Variants in KCTD3 observed in about 807,000 individuals in gnomAD.
KCTD3 encodes BTB/POZ domain-containing protein KCTD3.
KCTD3 carries 41 observed loss-of-function variants against 85.8 expected under a neutral mutation model. The ratio of observed to expected loss-of-function variants is 0.48; its 90% confidence interval spans 0.37 to 0.62. KCTD3 has a LOEUF of 0.62. KCTD3 is among the 20% of genes least tolerant of loss of function. The probability of loss-of-function intolerance (pLI) is 0.00; values close to 1 mark genes in which losing one functional copy is unlikely to be tolerated. For missense variants in KCTD3, 724 were observed against 989.9 expected (o/e 0.73, Z 3.60); for synonymous variants, 338 against 345.4 (o/e 0.98, Z 0.24).
chr1:215,573,722 T>G, intron 1 of KCTD3, 64 bp from the exon 2 acceptor site: 1 of 947,558 alleles, frequency 1.1e-6, no homozygotes, highest in South Asian at 1.5e-5. Flanking sequence ...TTAAAACAAG[T>G]TAACTAATAC....
rs368372353 is a variant in KCTD3, at chr1:215,604,319, A to T, written c.1309+17A>T. 4.0e-5 allele frequency: 64 copies of T among 1,592,682 alleles called. 1 individual carries two copies. The African/African-American group carries it at 6.7e-4, about 17-fold the overall frequency. On this transcript the variant is annotated intron_variant, in intron 13 of 17. Transcript: ENST00000259154. ...TTGTATCAGGTAAAATGATTTCATT[A>T]TACTGGTAAGGAACTTGGCTCTGTG...
chr1:215,620,009 A>G, intron 17 of KCTD3, 48 bp from the exon 18 acceptor site: 1 of 1,386,038 alleles, frequency 7.2e-7, no homozygotes, highest in East Asian at 2.3e-5. Context: ...GTTCCTGAGA[A>G]ATCACAGAGT....
chr1:215,604,199 A>G lies in KCTD3; in HGVS notation c.1206A>G (p.Gln402=). Residue 402 remains glutamine, a synonymous_variant, in exon 13 of 18, where the codon CAA becomes CAG. Coordinates refer to ENST00000259154, the MANE Select transcript of KCTD3 (RefSeq NM_016121.5). The part of the protein sequence containing the change: ...TSSGAVRVIV[Q]HPETVGSGPQ... ...CTGGAGCAGTACGAGTGATTGTACA[A>G]CACCCAGAGACAGTTGGGTCAGGTC... is the stretch of plus-strand genomic sequence containing the variant. 3 of 1,613,540 alleles carry G rather than the reference A, an allele frequency of 1.9e-6. No individual in the cohort carries two copies. Among genetic ancestry groups the G allele is most frequent in the Non-Finnish European group, 2.5e-6 (3 of 1,179,518 alleles).
chr1:215,616,275 A>G (rs559655268), intron 15 of KCTD3, among the ~76,000 whole-genome samples: 1 of 152,278 alleles, frequency 6.6e-6, no homozygotes, highest in African/African-American at 2.4e-5. Context: ...TTTTAAATCA[A>G]TTTACAGATA....
Position 215,581,115 on chromosome 1 carries a change from G to A in KCTD3, c.626+1116G>A, listed in dbSNP as rs183194296. 68 of 317,866 alleles carry A rather than the reference G, an allele frequency of 2.1e-4. No homozygotes were observed. In the Admixed American group the frequency reaches 2.5e-3, roughly 12 times the overall value. The allele number at this position is 317,866 out of a possible 1,614,324, so 19.7% of individuals were successfully genotyped here. A position where few individuals can be genotyped will look rare whatever the true frequency, so the allele number is the denominator to read the frequency against. On this transcript the variant is annotated intron_variant, in intron 8 of 17. Coordinates refer to ENST00000259154, the MANE Select transcript of KCTD3 (RefSeq NM_016121.5). ...ACAAAAATTAGCCAGGTGTGGTGAT[G>A]CATGCCTGTAATCCCAGCTACTCGG...
At chr1:215,612,182 G>A (rs1437227640) in intron 15 of KCTD3, among the ~76,000 whole-genome samples, 3 of 151,974 alleles carry the variant, frequency 2.0e-5, no homozygotes, top group Non-Finnish European at 4.4e-5. Flanking sequence ...TTTTTTCATG[G>A]CCAAACATAA....
chr1:215,580,480 A>G (rs1659775237), intron 8 of KCTD3, among the ~76,000 whole-genome samples: 1 of 152,208 alleles, frequency 6.6e-6, no homozygotes, highest in Non-Finnish European at 1.5e-5. Context: ...AATATCTAAT[A>G]TGTGAAACTT....
intron 15 of KCTD3, among the ~76,000 whole-genome samples, chr1:215,612,926 CGAT>C (rs1655282851): frequency 6.6e-6 from 1 of 151,884 alleles, no homozygotes; most frequent in African/African-American, 2.4e-5. Flanking sequence ...ATTTTTTTGA[CGAT>C]GAGAACACAT....
At chr1:215,610,345 C>CA (rs1655180816) in intron 14 of KCTD3, among the ~76,000 whole-genome samples, 1 of 151,768 alleles carries the variant, frequency 6.6e-6, no homozygotes, top group Admixed American at 6.6e-5. Flanking sequence ...TTTATTCCTC[C>CA]AACTTTCTCC....
At chr1:215,584,213 A>G (rs1251343931) in intron 8 of KCTD3, among the ~76,000 whole-genome samples, 1 of 152,144 alleles carries the variant, frequency 6.6e-6, no homozygotes, top group African/African-American at 2.4e-5. Context: ...TGCAGAAAGA[A>G]CTCAAAAACT....
intron 10 of KCTD3, among the ~76,000 whole-genome samples, chr1:215,600,395 A>G: frequency 6.6e-6 from 1 of 151,896 alleles, no homozygotes; most frequent in Non-Finnish European, 1.5e-5. Flanking sequence ...GCCCTACCTA[A>G]CTCATAGTTG....
intron 1 of KCTD3, 63 bp from the exon 2 acceptor site, chr1:215,573,723 T>G: frequency 1.1e-6 from 1 of 951,626 alleles, no homozygotes; most frequent in Non-Finnish European, 1.7e-6. Flanking sequence ...TAAAACAAGT[T>G]AACTAATACT....
chr1:215,587,007 C>A (rs1388683294), intron 9 of KCTD3, among the ~76,000 whole-genome samples: 9 of 152,192 alleles, frequency 5.9e-5, no homozygotes, highest in Admixed American at 5.9e-4. Flanking sequence ...TGGGGTAAGT[C>A]ACTTTCTTGC....
Position 215,611,811 on chromosome 1 carries a change from G to T in KCTD3, c.1466-14G>T. 1.3e-6 allele frequency: 2 copies of T among 1,545,244 alleles called. No individual in the cohort carries two copies. The highest frequency in any genetic ancestry group is 1.3e-5 in the South Asian group (1 of 79,670). On this transcript the variant is annotated splice_polypyrimidine_tract_variant and intron_variant, in intron 14 of 17. Coordinates refer to ENST00000259154, the MANE Select transcript of KCTD3 (RefSeq NM_016121.5). ...TTTTAATTAATTTTTTGACATTTTT[G>T]TTTTCTGATCAAGGACCTTTTGGAG...
chr1:215,575,844 ATTAAAG>A (rs1659553680), intron 3 of KCTD3, 51 bp from the exon 4 acceptor site: 15 of 965,506 alleles, frequency 1.6e-5, no homozygotes, highest in Non-Finnish European at 2.2e-5. Flanking sequence ...TGTTACAGAT[ATTAAAG>A]TTAAAAGATT....
chr1:215,597,241 AAAAG>A (rs1326246632), intron 10 of KCTD3, among the ~76,000 whole-genome samples: 97 of 152,130 alleles, frequency 6.4e-4, no homozygotes, highest in African/African-American at 1.8e-3. Flanking sequence ...AAAAAAAAAA[AAAAG>A]AAATGTTTCA....
rs1660010852 is a variant in KCTD3 at position 215,586,404 on chromosome 1, GT to G, written c.627-89del. ...CTGTTTAGTTTTTTTTTTGTTTTTT[GT>G]TGTTGTTTTTTGTTTTTGGTGCATT... On this transcript the variant is annotated intron_variant, in intron 8 of 17. Coordinates refer to ENST00000259154, the MANE Select transcript of KCTD3 (RefSeq NM_016121.5). 3.8e-6 allele frequency: 4 copies of G among 1,054,002 alleles called. No homozygotes were observed. The East Asian group carries it at 9.8e-5, about 26-fold the overall frequency. The allele number at this position is 1,054,002 out of a possible 1,614,324, so 65.3% of individuals were successfully genotyped here.
chr1:215,591,861 G>A (rs112042031), intron 9 of KCTD3, among the ~76,000 whole-genome samples: 136 of 152,214 alleles, frequency 8.9e-4, no homozygotes, highest in African/African-American at 3.2e-3. Flanking sequence ...ATATTAGTCC[G>A]TTTTCACACT....
chr1:215,591,085 C>T (rs1660187418), intron 9 of KCTD3, among the ~76,000 whole-genome samples: 1 of 151,992 alleles, frequency 6.6e-6, no homozygotes, highest in African/African-American at 2.4e-5. Context: ...TGTTGCTTTT[C>T]TGGAATCTTA....
Sources: gnomAD v4.1 joint callset for allele counts (sites outside exome capture counted in the v4.1 genomes callset) on GRCh38, gnomAD v4.1.1 for gene constraint, MANE v1.5 for transcripts, NCBI Gene and HGNC (gene_info 2026-07-23, HGNC 2026-07-21) for gene names.